The following CFAP47 variants were observed in gnomAD, a reference collection of about 807,000 sequenced individuals.
CFAP47 encodes the protein cilia and flagella associated protein 47.
A neutral mutation model predicts 148.1 loss-of-function variants in CFAP47; 29 were observed. That is an observed-to-expected ratio of 0.20 (90% CI 0.15 to 0.27). CFAP47 has a LOEUF of 0.27. Ranked by LOEUF, CFAP47 falls within the 10% of genes least tolerant of loss-of-function variation. The pLI, the probability that CFAP47 is intolerant of heterozygous loss-of-function variation, is 1.00. For missense variants in CFAP47, 1,872 were observed against 1,697.5 expected (o/e 1.10, Z -1.81); for synonymous variants, 664 against 577.3 (o/e 1.15, Z -2.15).
At chrX:36,032,399 G>T (rs940854218) in intron 23 of CFAP47, among the ~76,000 whole-genome samples, 1 of 110,278 alleles carries the variant, frequency 9.1e-6, no homozygotes, top group Non-Finnish European at 1.9e-5. Context: ...CAGAGAAGAC[G>T]TAATATGTTT....
chrX:36,026,125 A>G (rs941345358), intron 22 of CFAP47, among the ~76,000 whole-genome samples: 1 of 111,736 alleles, frequency 8.9e-6, no homozygotes, highest in Non-Finnish European at 1.9e-5. Flanking sequence ...TACTTGTATT[A>G]TATAACTTAA....
At chrX:36,007,090 A>T (rs1470233933) in intron 21 of CFAP47, among the ~76,000 whole-genome samples, 1 of 111,771 alleles carries the variant, frequency 8.9e-6, no homozygotes, top group Non-Finnish European at 1.9e-5. Context: ...GTTCATCTTC[A>T]GTGCCTTAGT....
intron 51 of CFAP47, among the ~76,000 whole-genome samples, chrX:36,286,526 A>C (rs1287078447): frequency 1.8e-5 from 2 of 111,183 alleles, no homozygotes. Context: ...AAGATGAATG[A>C]TTAAAATTTT....
intron 49 of CFAP47, among the ~76,000 whole-genome samples, chrX:36,278,865 T>G (rs73460133): frequency 0.014 from 1,582 of 112,005 alleles, 32 homozygotes; most frequent in African/African-American, 0.048. Context: ...AACATTTTAA[T>G]TGCTCAGTAG....
chrX:36,267,787 A>G (rs1940912071), intron 49 of CFAP47, among the ~76,000 whole-genome samples: 1 of 112,265 alleles, frequency 8.9e-6, no homozygotes, highest in Admixed American at 9.4e-5. Context: ...AAAGTGGTTC[A>G]TGTTCTTTTA....
In CFAP47 at chrX:35,971,596, T is replaced by C. The variant is rs1365997461; in HGVS notation, c.1981T>C (p.Tyr661His). 4.4e-6 allele frequency: 5 copies of C among 1,136,928 alleles called. No individual in the cohort carries two copies. The highest frequency in any genetic ancestry group is 5.9e-6 in the Non-Finnish European group (5 of 850,782). The allele number at this position is 1,136,928 out of a possible 1,213,427, so 93.7% of individuals were successfully genotyped here. Residue 661 changes from tyrosine (Y) to histidine (H), a missense_variant, in exon 12 of 64, where the codon TAT becomes CAT. Physicochemically the swap from Tyr to His is moderately conservative, Grantham distance 83. Coordinates refer to ENST00000378653, the MANE Select transcript of CFAP47 (RefSeq NM_001304548.2). ...QKKQAERERM[Y>H]SYDDTDIGLE... ...TTATTAATTTTATAGGGAGCGCATG[T>C]ATTCATATGATGATACAGACATAGG...
chrX:36,256,244 A>G (rs966374945), intron 49 of CFAP47, among the ~76,000 whole-genome samples: 2 of 112,093 alleles, frequency 1.8e-5, no homozygotes, highest in East Asian at 2.8e-4. Context: ...TTTGCACAAG[A>G]CTAGTATATA....
At chrX:36,060,464 A>G (rs768897277) in intron 26 of CFAP47, among the ~76,000 whole-genome samples, 1 of 112,093 alleles carries the variant, frequency 8.9e-6, no homozygotes, top group Admixed American at 9.5e-5. Context: ...AATGTTTTAC[A>G]TGAATTATAG....
rs1025193200 is a variant in CFAP47, at chrX:36,160,756, G to C, written c.6013G>C (p.Ala2005Pro). The change falls in exon 39 of 64, where the codon GCT (alanine) becomes CCT (proline). Residue 2005 changes from alanine (A) to proline (P), a missense_variant. Coordinates refer to ENST00000378653, the MANE Select transcript of CFAP47 (RefSeq NM_001304548.2). ...AAATGTGAAAAACCCCTTCCATACG[G>C]CTGGGGACTTCAGGTAAGTTATTGT... ...TVNVKNPFHTAGDFSVILVES... is the reference protein window; with the variant it reads ...TVNVKNPFHTPGDFSVILVES... 3.4e-5 allele frequency: 10 copies of C among 293,710 alleles called. No individual in the cohort carries two copies. Among genetic ancestry groups the C allele is most frequent in the African/African-American group, 5.6e-5 (2 of 36,035 alleles). 24.2% of individuals were successfully genotyped at this position (293,710 alleles called of 1,213,427 possible).
chrX:36,370,695 G>A (rs890363420), intron 62 of CFAP47, among the ~76,000 whole-genome samples: 1 of 110,660 alleles, frequency 9.0e-6, no homozygotes, highest in Non-Finnish European at 1.9e-5. Context: ...GAAATTTCAA[G>A]TTATCTTGAA....
chrX:36,349,124 A>T (rs1381890269), intron 58 of CFAP47, among the ~76,000 whole-genome samples: 3 of 111,973 alleles, frequency 2.7e-5, no homozygotes, highest in Non-Finnish European at 5.6e-5. Context: ...GAATGCATTA[A>T]AGAAGCTTGA....
chrX:35,980,258 T>A (rs1011786622), intron 15 of CFAP47, among the ~76,000 whole-genome samples: 1 of 112,051 alleles, frequency 8.9e-6, no homozygotes, highest in African/African-American at 3.2e-5. Flanking sequence ...ATACCCCTGA[T>A]ATACTTAATA....
chrX:36,226,922 T>A (rs1555991624), intron 45 of CFAP47, among the ~76,000 whole-genome samples: 1 of 111,759 alleles, frequency 8.9e-6, no homozygotes, highest in Non-Finnish European at 1.9e-5. Context: ...GTCTGAACAG[T>A]TTAATTCTTA....
At position 36,188,284 on chromosome X, in the gene CFAP47, C is replaced by T. The variant is rs782662438; in HGVS notation, c.6105-336C>T. Among the ~76,000 whole-genome samples, 52 of 111,440 alleles carry T rather than the reference C, an allele frequency of 4.7e-4. 2 individuals are homozygous for T. The highest frequency in any genetic ancestry group is 1.9e-4 in the Admixed American group (2 of 10,443). On this transcript the variant is annotated intron_variant, in intron 40 of 63. Transcript: ENST00000378653. The stretch of plus-strand genomic sequence containing the variant: ...CTATTTAGTCCTAAATTGAGATCAT[C>T]CACGTTTTGAGTCTTTGGATTAGGG...
At chrX:36,226,449 C>T (rs1306169529) in intron 45 of CFAP47, among the ~76,000 whole-genome samples, 2 of 101,451 alleles carry the variant, frequency 2.0e-5, no homozygotes, top group Admixed American at 1.0e-4. Flanking sequence ...ATATCTTAAC[C>T]CAGAAGTTTT....
At chrX:36,248,812 G>A (rs781940457) in intron 48 of CFAP47, among the ~76,000 whole-genome samples, 1 of 110,648 alleles carries the variant, frequency 9.0e-6, no homozygotes, top group East Asian at 2.8e-4. Flanking sequence ...AAATTTAAAA[G>A]CGAGGTAATC....
chrX:36,117,186 G>A (rs1428751409), intron 33 of CFAP47, among the ~76,000 whole-genome samples: 1 of 111,705 alleles, frequency 9.0e-6, no homozygotes. Flanking sequence ...CCAAATCTTG[G>A]CTGTTGCGAA....
intron 33 of CFAP47, among the ~76,000 whole-genome samples, chrX:36,137,004 A>G (rs1306961854): frequency 9.0e-6 from 1 of 111,475 alleles, no homozygotes; most frequent in African/African-American, 3.3e-5. Flanking sequence ...AGCTTCTCAG[A>G]TGAAAAAGTA....
At chrX:36,348,387 C>A in intron 58 of CFAP47, 99 bp downstream of exon 58, 1 of 390,975 alleles carries the variant, frequency 2.6e-6, no homozygotes, top group Non-Finnish European at 4.0e-6. Flanking sequence ...TAATGTCAAG[C>A]TCATGATTTT....
Sources: allele counts gnomAD v4.1 joint callset (sites outside exome capture counted in the v4.1 genomes callset), GRCh38; gene constraint gnomAD v4.1.1; transcripts MANE v1.5; gene names NCBI Gene and HGNC (gene_info 2026-07-23, HGNC 2026-07-21).